The following GRID2 variants were observed in gnomAD, a reference collection of about 807,000 sequenced individuals.
GRID2 encodes glutamate ionotropic receptor delta type subunit 2, also known as glutamate receptor ionotropic, delta-2.
In GRID2, 33 loss-of-function variants were observed where a neutral mutation model predicts 114.8. That is an observed-to-expected ratio of 0.29 (90% CI 0.22 to 0.38). GRID2 has a LOEUF of 0.38. Among genes scored for constraint, GRID2 ranks in the 10% least tolerant of loss-of-function variants. The probability of loss-of-function intolerance (pLI) is 1.00; values close to 1 mark genes in which losing one functional copy is unlikely to be tolerated. For missense variants in GRID2, 1,184 were observed against 1,257.7 expected (o/e 0.94, Z 0.89); for synonymous variants, 505 against 449.9 (o/e 1.12, Z -1.55).
At chr4:92,508,671 A>T (rs1189762703) in intron 1 of GRID2, among the ~76,000 whole-genome samples, 1 of 151,968 alleles carries the variant, frequency 6.6e-6, no homozygotes, top group Non-Finnish European at 1.5e-5. Context: ...GAAAAGTTCT[A>T]GAAGATGGTG....
At chr4:92,898,655 T>C (rs994191913) in intron 2 of GRID2, among the ~76,000 whole-genome samples, 1 of 152,134 alleles carries the variant, frequency 6.6e-6, no homozygotes, top group African/African-American at 2.4e-5. Flanking sequence ...GTTCAGATTT[T>C]AAAAATCTGG....
At chr4:93,315,277 G>A (rs998868017) in intron 8 of GRID2, among the ~76,000 whole-genome samples, 1 of 152,050 alleles carries the variant, frequency 6.6e-6, no homozygotes, top group Non-Finnish European at 1.5e-5. Context: ...TTCACACATG[G>A]GGATGAGATT....
intron 2 of GRID2, among the ~76,000 whole-genome samples, chr4:93,036,118 G>A (rs894549906): frequency 3.6e-4 from 55 of 151,990 alleles, no homozygotes; most frequent in African/African-American, 1.3e-3. Flanking sequence ...TCTATATTTC[G>A]GTGGTCATTT....
intron 3 of GRID2, among the ~76,000 whole-genome samples, chr4:93,092,458 C>T (rs1394058614): frequency 1.3e-5 from 2 of 152,040 alleles, no homozygotes; most frequent in Non-Finnish European, 2.9e-5. Context: ...GCTTTCCCTA[C>T]TAGGATACAA....
intron 8 of GRID2, among the ~76,000 whole-genome samples, chr4:93,342,354 C>T (rs1387918239): frequency 6.6e-6 from 1 of 152,178 alleles, no homozygotes; most frequent in Non-Finnish European, 1.5e-5. Context: ...ACTGCTCTCT[C>T]TTCTGCATTT....
At chr4:92,609,303 T>C (rs989960074) in intron 2 of GRID2, among the ~76,000 whole-genome samples, 1 of 151,568 alleles carries the variant, frequency 6.6e-6, no homozygotes, top group Non-Finnish European at 1.5e-5. Flanking sequence ...ATTTATCGAG[T>C]GTCTATGTGC....
intron 8 of GRID2, among the ~76,000 whole-genome samples, chr4:93,320,352 T>A (rs1220557859): frequency 6.6e-6 from 1 of 152,108 alleles, no homozygotes; most frequent in African/African-American, 2.4e-5. Context: ...GGTAAATTGA[T>A]GAAGATCTAA....
At chr4:93,784,119 C>T (rs1305169948) in intron 1 of GRID2, among the ~76,000 whole-genome samples, 1 of 145,264 alleles carries the variant, frequency 6.9e-6, no homozygotes, top group Non-Finnish European at 1.5e-5. Context: ...ATTGAGTCCA[C>T]TCGCATAAAG....
intron 2 of GRID2, among the ~76,000 whole-genome samples, chr4:93,039,713 A>G (rs536102095): frequency 1.2e-3 from 177 of 152,222 alleles, no homozygotes; most frequent in Non-Finnish European, 1.8e-3. Context: ...TCTGAGTTCA[A>G]TGCAGTCTAC....
intron 9 of GRID2, among the ~76,000 whole-genome samples, chr4:93,397,650 C>T (rs188248276): frequency 6.6e-6 from 1 of 151,986 alleles, no homozygotes; most frequent in African/African-American, 2.4e-5. Flanking sequence ...AAAAACAGCT[C>T]AGATTGATTA....
Position 93,755,699 on chromosome 4 carries a change from C to T in GRID2, c.2361-13511C>T, listed in dbSNP as rs186299542. On this transcript the variant is annotated intron_variant, in intron 14 of 15. Coordinates refer to ENST00000282020, the MANE Select transcript of GRID2 (RefSeq NM_001510.4). ...ACATTTAATGATGTTACAATTTTAA[C>T]GAAGATCGGCTTCTACCAACTAAAG... is the stretch of plus-strand genomic sequence containing the variant. Among the ~76,000 whole-genome samples, 237 of 152,174 alleles carry T rather than the reference C, an allele frequency of 1.6e-3. No homozygotes were observed. In the East Asian group the frequency reaches 0.017, roughly 11 times the overall value.
intron 2 of GRID2, among the ~76,000 whole-genome samples, chr4:93,044,256 G>A (rs1417963715): frequency 1.3e-5 from 2 of 152,044 alleles, no homozygotes; most frequent in Non-Finnish European, 2.9e-5. Context: ...CAATCTTCAA[G>A]AACAGAAACT....
chr4:93,155,892 G>T (rs1394074909), intron 4 of GRID2, among the ~76,000 whole-genome samples: 2 of 151,724 alleles, frequency 1.3e-5, no homozygotes, highest in East Asian at 1.9e-4. Flanking sequence ...GAATGAATAA[G>T]ATCTAGTATA....
chr4:93,460,685 C>A (rs536519583), intron 11 of GRID2, among the ~76,000 whole-genome samples: 26 of 152,098 alleles, frequency 1.7e-4, no homozygotes, highest in Non-Finnish European at 2.8e-4. Context: ...ACATGTTAGG[C>A]ATTTAATAAA....
chr4:93,303,819 A>C (rs1755127882), intron 8 of GRID2, among the ~76,000 whole-genome samples: 1 of 152,100 alleles, frequency 6.6e-6, no homozygotes, highest in Non-Finnish European at 1.5e-5. Flanking sequence ...ACATCTTATG[A>C]GTTTCTTCTC....
At chr4:92,662,209 G>A (rs1040606208) in intron 2 of GRID2, among the ~76,000 whole-genome samples, 2 of 150,874 alleles carry the variant, frequency 1.3e-5, no homozygotes, top group Non-Finnish European at 3.0e-5. Context: ...CAATTTTGTT[G>A]TTACATATTT....
intron 2 of GRID2, among the ~76,000 whole-genome samples, chr4:92,826,953 A>G (rs1471647954): frequency 6.6e-6 from 1 of 151,996 alleles, no homozygotes; most frequent in Non-Finnish European, 1.5e-5. Flanking sequence ...GTTCATTGAT[A>G]TGTTTCAGGT....
At chr4:93,541,542 C>T (rs1438635927) in intron 13 of GRID2, among the ~76,000 whole-genome samples, 1 of 152,120 alleles carries the variant, frequency 6.6e-6, no homozygotes, top group African/African-American at 2.4e-5. Context: ...CTTGGTTCCA[C>T]TTAATTGTAA....
chr4:92,583,460 A>T (rs1465490554), intron 1 of GRID2, among the ~76,000 whole-genome samples: 1 of 151,996 alleles, frequency 6.6e-6, no homozygotes. Context: ...GTTAGATAAG[A>T]TGAACTGAGA....
Sources: gnomAD v4.1 joint callset for allele counts (sites outside exome capture counted in the v4.1 genomes callset) on GRCh38, gnomAD v4.1.1 for gene constraint, MANE v1.5 for transcripts, NCBI Gene and HGNC (gene_info 2026-07-23, HGNC 2026-07-21) for gene names.